SDCCAG8: variants seen among roughly 807,000 people sequenced by gnomAD.
SDCCAG8 encodes the protein serologically defined colon cancer antigen 8.
A neutral mutation model predicts 101.8 loss-of-function variants in SDCCAG8; 74 were observed. That is an observed-to-expected ratio of 0.73 (90% CI 0.60 to 0.88). SDCCAG8 has a LOEUF of 0.88. Among genes scored for constraint, SDCCAG8 ranks in the 40% least tolerant of loss-of-function variants. SDCCAG8 has a pLI of 0.00. For synonymous variants in SDCCAG8, 281 were observed against 292.9 expected, an observed-to-expected ratio of 0.96 and a Z score of 0.41; for missense variants, 787 against 822.6, an observed-to-expected ratio of 0.96 and a Z score of 0.53.
intron 13 of SDCCAG8, among the ~76,000 whole-genome samples, chr1:243,412,653 T>G (rs1437779720): frequency 1.3e-5 from 2 of 152,008 alleles, no homozygotes; most frequent in Non-Finnish European, 2.9e-5. Context: ...GTATTTTATG[T>G]GTGGACCAAG....
At chr1:243,478,152 C>A (rs763431914) in intron 16 of SDCCAG8, among the ~76,000 whole-genome samples, 1 of 152,176 alleles carries the variant, frequency 6.6e-6, no homozygotes. Context: ...GGTTACCCAG[C>A]GTGTTCTCTC....
At chr1:243,447,466 G>A (rs1258585133) in intron 16 of SDCCAG8, among the ~76,000 whole-genome samples, 1 of 151,836 alleles carries the variant, frequency 6.6e-6, no homozygotes, top group African/African-American at 2.4e-5. Context: ...CCTTAATTAG[G>A]TCTTAGTATC....
intron 13 of SDCCAG8, among the ~76,000 whole-genome samples, chr1:243,392,439 CT>C (rs2078758626): frequency 6.6e-6 from 1 of 152,162 alleles, no homozygotes; most frequent in South Asian, 2.1e-4. Flanking sequence ...GCTCTGTGCC[CT>C]AGGGGCTCTG....
chr1:243,324,496 A>C (rs1573299185), intron 9 of SDCCAG8, among the ~76,000 whole-genome samples: 3 of 109,296 alleles, frequency 2.7e-5, no homozygotes, highest in Admixed American at 1.4e-4. Context: ...ACAGGGCCTC[A>C]CTCTGTCACC....
intron 16 of SDCCAG8, among the ~76,000 whole-genome samples, chr1:243,450,879 G>A (rs935362336): frequency 2.0e-5 from 3 of 152,136 alleles, no homozygotes; most frequent in East Asian, 1.9e-4. Context: ...GGCTGGTCTT[G>A]AACTCCTGAC....
At chr1:243,281,100 T>C (rs1394649404) in intron 4 of SDCCAG8, among the ~76,000 whole-genome samples, 1 of 152,222 alleles carries the variant, frequency 6.6e-6, no homozygotes. Context: ...TCTTGGTGAA[T>C]GGACCTCTTT....
At chr1:243,468,084 C>A (rs749045155) in intron 16 of SDCCAG8, among the ~76,000 whole-genome samples, 1 of 152,190 alleles carries the variant, frequency 6.6e-6, no homozygotes, top group Non-Finnish European at 1.5e-5. Flanking sequence ...GTTTAGAAGA[C>A]AGACCTGGGA....
intron 13 of SDCCAG8, among the ~76,000 whole-genome samples, chr1:243,414,874 T>TGTGC (rs1184734128): frequency 1.8e-3 from 265 of 149,204 alleles, no homozygotes; most frequent in South Asian, 4.5e-3. Context: ...TGTGTGTGTG[T>TGTGC]GCACATGTAC....
At chr1:243,263,229 T>C (rs2067325531) in intron 1 of SDCCAG8, among the ~76,000 whole-genome samples, 1 of 152,228 alleles carries the variant, frequency 6.6e-6, no homozygotes, top group Non-Finnish European at 1.5e-5. Flanking sequence ...ATTGATTTTT[T>C]TTTATTGTCA....
intron 16 of SDCCAG8, chr1:243,476,231 C>T (rs558159215): frequency 5.3e-5 from 52 of 985,318 alleles, no homozygotes; most frequent in Non-Finnish European, 5.9e-5. Flanking sequence ...CAAGGGTCAG[C>T]GGGGAGGCTG....
At chr1:243,324,505 C>T (rs2074005653) in intron 9 of SDCCAG8, among the ~76,000 whole-genome samples, 1 of 140,160 alleles carries the variant, frequency 7.1e-6, no homozygotes, top group Non-Finnish European at 1.5e-5. Flanking sequence ...CACTCTGTCA[C>T]CCAGGCTCAG....
chr1:243,296,963 A>G lies in SDCCAG8; in HGVS notation c.675+3744A>G, dbSNP rs890786103. On this transcript the variant is annotated intron_variant, in intron 6 of 17. Coordinates refer to ENST00000366541, the MANE Select transcript of SDCCAG8 (RefSeq NM_006642.5). The stretch of plus-strand genomic sequence containing the variant: ...CCTCCTTTATATTTTCTAAGACACA[A>G]TTTAACATAACATTCAGTAAAGTAC... Among the ~76,000 whole-genome samples the G allele has an allele frequency of 4.6e-5, 7 of 152,050 alleles. No homozygotes were observed. The East Asian group carries it at 1.2e-3, about 25-fold the overall frequency.
At chr1:243,497,808 C>G (rs920506813) in intron 17 of SDCCAG8, among the ~76,000 whole-genome samples, 1 of 152,094 alleles carries the variant, frequency 6.6e-6, no homozygotes, top group Non-Finnish European at 1.5e-5. Flanking sequence ...CCTTTTGAGT[C>G]GCTGGGACTA....
At chr1:243,319,424 A>G (rs1269052342) in intron 9 of SDCCAG8, among the ~76,000 whole-genome samples, 1 of 151,980 alleles carries the variant, frequency 6.6e-6, no homozygotes, top group Non-Finnish European at 1.5e-5. Flanking sequence ...CCCAGGCTGG[A>G]GTGCAATGGC....
Position 243,415,777 on chromosome 1 carries a change from G to C in SDCCAG8, c.1692G>C (p.Glu564Asp). ...AAGCCCTTCAGGCCCAGCAAAGAGA[G>C]CAGGAGCTGACACAGAAGATACAGC... The part of the protein sequence containing the change: ...KAQALQAQQR[E>D]QELTQKIQQM... The change falls in exon 14 of 18, where the codon GAG becomes GAC. Residue 564 changes from glutamate (E) to aspartate (D), a missense_variant. Physicochemically the swap from Glu to Asp is conservative, Grantham distance 45 (BLOSUM62 2). Coordinates refer to ENST00000366541, the MANE Select transcript of SDCCAG8 (RefSeq NM_006642.5). The C allele has an allele frequency of 1.9e-6, 3 of 1,613,786 alleles. No homozygotes were observed. Among genetic ancestry groups the C allele is most frequent in the Non-Finnish European group, 2.5e-6 (3 of 1,179,786 alleles).
In SDCCAG8 at chr1:243,386,484, G is replaced by A. The variant is rs571251502; in HGVS notation, c.1616+7621G>A. 1.3e-4 allele frequency among the ~76,000 whole-genome samples: 20 copies of A among 152,126 alleles called. No individual in the cohort carries two copies. In the South Asian group the frequency reaches 3.9e-3, roughly 30 times the overall value. ...TGGGAGGCTAAGGCAGGCAGATCGC[G>A]AGAGGTCAGGAGTAATCCCAGCACT... On this transcript the variant is annotated intron_variant, in intron 13 of 17. Coordinates refer to ENST00000366541, the MANE Select transcript of SDCCAG8 (RefSeq NM_006642.5).
chr1:243,462,480 T>C (rs1283992151), intron 16 of SDCCAG8, among the ~76,000 whole-genome samples: 1 of 152,224 alleles, frequency 6.6e-6, no homozygotes, highest in African/African-American at 2.4e-5. Flanking sequence ...ACACATCCTT[T>C]TCACAAATGT....
At chr1:243,280,586 C>A (rs1056779582) in intron 4 of SDCCAG8, among the ~76,000 whole-genome samples, 2 of 151,934 alleles carry the variant, frequency 1.3e-5, no homozygotes, top group African/African-American at 4.8e-5. Context: ...TTGCTGCATC[C>A]TTTTAATAAG....
intron 13 of SDCCAG8, among the ~76,000 whole-genome samples, chr1:243,406,286 A>G (rs2079781005): frequency 6.6e-6 from 1 of 152,222 alleles, no homozygotes; most frequent in African/African-American, 2.4e-5. Context: ...GGTGTTGTAT[A>G]ATAGGATACA....
Sources: allele counts gnomAD v4.1 joint callset (sites outside exome capture counted in the v4.1 genomes callset), GRCh38; gene constraint gnomAD v4.1.1; transcripts MANE v1.5; gene names NCBI Gene and HGNC (gene_info 2026-07-23, HGNC 2026-07-21).